Variants in SLC35F1 observed in about 807,000 individuals in gnomAD.
SLC35F1 encodes chromosome 6 open reading frame 169.
Under a neutral mutation model 48.7 loss-of-function variants are expected in SLC35F1, and 14 were observed. That is an observed-to-expected ratio of 0.29 (90% CI 0.19 to 0.45). The LOEUF is 0.45. SLC35F1 is among the 20% of genes least tolerant of loss of function. The pLI, the probability that SLC35F1 is intolerant of heterozygous loss-of-function variation, is 1.00. For missense variants in SLC35F1, 404 were observed against 500.0 expected (o/e 0.81, Z 1.83); for synonymous variants, 190 against 202.2 (o/e 0.94, Z 0.51).
chr6:117,941,482 G>A (rs142897612), intron 1 of SLC35F1, among the ~76,000 whole-genome samples: 1 of 152,300 alleles, frequency 6.6e-6, no homozygotes, highest in African/African-American at 2.4e-5. Context: ...AGTAACAATA[G>A]CAAAACCAAT....
At chr6:118,293,392 G>T (rs1199480919) in intron 7 of SLC35F1, among the ~76,000 whole-genome samples, 1 of 152,018 alleles carries the variant, frequency 6.6e-6, no homozygotes, top group Admixed American at 6.6e-5. Flanking sequence ...CATCTTCAAA[G>T]CCAGCAGAAT....
intron 2 of SLC35F1, among the ~76,000 whole-genome samples, chr6:118,184,173 G>T (rs1774623321): frequency 6.6e-6 from 1 of 152,154 alleles, no homozygotes; most frequent in South Asian, 2.1e-4. Context: ...TACTATGAGA[G>T]TGTCTCCCCA....
At chr6:117,997,140 C>A (rs1267004490) in intron 1 of SLC35F1, among the ~76,000 whole-genome samples, 1 of 151,504 alleles carries the variant, frequency 6.6e-6, no homozygotes, top group Admixed American at 6.6e-5. Flanking sequence ...GAAGCCTCAG[C>A]AGCTGATGCG....
chr6:118,072,180 A>C (rs1562281495), intron 1 of SLC35F1, among the ~76,000 whole-genome samples: 1 of 152,162 alleles, frequency 6.6e-6, no homozygotes, highest in African/African-American at 2.4e-5. Context: ...TTTGGAATAC[A>C]CAGATGGTTA....
intron 2 of SLC35F1, among the ~76,000 whole-genome samples, chr6:118,188,012 T>G (rs2114519070): frequency 6.6e-6 from 1 of 152,324 alleles, no homozygotes; most frequent in East Asian, 1.9e-4. Flanking sequence ...TGTGATTGCT[T>G]CATTATGTGT....
chr6:118,075,454 C>G (rs897864000), intron 1 of SLC35F1, among the ~76,000 whole-genome samples: 1 of 152,074 alleles, frequency 6.6e-6, no homozygotes, highest in Non-Finnish European at 1.5e-5. Flanking sequence ...TTGTTTTCTT[C>G]CAGAAACATT....
chr6:118,204,187 C>G (rs1458852076), intron 2 of SLC35F1, among the ~76,000 whole-genome samples: 5 of 151,174 alleles, frequency 3.3e-5, no homozygotes, highest in African/African-American at 4.9e-5. Context: ...CCCAGCCCAG[C>G]CAAGGGAATA....
chr6:118,300,422 T>C (rs1249002859), intron 7 of SLC35F1, among the ~76,000 whole-genome samples: 3 of 152,242 alleles, frequency 2.0e-5, no homozygotes, highest in Non-Finnish European at 4.4e-5. Flanking sequence ...TATTTCATGT[T>C]CTTCACACTT....
At chr6:118,064,842 T>C (rs1345055524) in intron 1 of SLC35F1, among the ~76,000 whole-genome samples, 7 of 152,268 alleles carry the variant, frequency 4.6e-5, no homozygotes, top group Non-Finnish European at 1.0e-4. Flanking sequence ...TTTGTGTTTA[T>C]TTTAATCTTC....
At chr6:118,250,582 C>T (rs1775560326) in intron 3 of SLC35F1, among the ~76,000 whole-genome samples, 1 of 152,168 alleles carries the variant, frequency 6.6e-6, no homozygotes, top group African/African-American at 2.4e-5. Flanking sequence ...TTTAGGGAGC[C>T]AGAGAGGGCT....
intron 1 of SLC35F1, among the ~76,000 whole-genome samples, chr6:118,074,944 G>A (rs1009661320): frequency 6.6e-6 from 1 of 152,182 alleles, no homozygotes. Context: ...GCTCCCAGTC[G>A]AGACACATAG....
intron 1 of SLC35F1, among the ~76,000 whole-genome samples, chr6:118,073,857 T>C (rs1331162719): frequency 1.3e-5 from 2 of 152,198 alleles, no homozygotes; most frequent in Admixed American, 6.5e-5. Context: ...GTTAAATTGG[T>C]CCACACATTT....
chr6:118,067,395 G>A (rs1452990278), intron 1 of SLC35F1, among the ~76,000 whole-genome samples: 1 of 152,186 alleles, frequency 6.6e-6, no homozygotes, highest in Non-Finnish European at 1.5e-5. Context: ...AACATGACTT[G>A]AGAGTAGGTG....
chr6:118,233,212 G>T (rs1056247722), intron 2 of SLC35F1, among the ~76,000 whole-genome samples: 1 of 152,166 alleles, frequency 6.6e-6, no homozygotes, highest in African/African-American at 2.4e-5. Context: ...TGATCTGCCC[G>T]CCTCAGCCTC....
At chr6:117,995,095 G>A (rs1439705666) in intron 1 of SLC35F1, among the ~76,000 whole-genome samples, 1 of 152,048 alleles carries the variant, frequency 6.6e-6, no homozygotes, top group Non-Finnish European at 1.5e-5. Flanking sequence ...TCCAGCTTGA[G>A]TTTTCTCTTA....
At chr6:118,210,450 CA>C (rs1774988092) in intron 2 of SLC35F1, among the ~76,000 whole-genome samples, 1 of 151,920 alleles carries the variant, frequency 6.6e-6, no homozygotes, top group Non-Finnish European at 1.5e-5. Context: ...AACAAAACAG[CA>C]AAAAAGAAAC....
At chr6:118,227,418 C>T (rs116219981) in intron 2 of SLC35F1, among the ~76,000 whole-genome samples, 4,701 of 152,132 alleles carry the variant, frequency 0.031, 247 homozygotes, top group African/African-American at 0.11. Flanking sequence ...AGGAGGCTGA[C>T]GGTATTTATG....
intron 3 of SLC35F1, among the ~76,000 whole-genome samples, chr6:118,238,094 C>G (rs1312695552): frequency 6.6e-6 from 1 of 152,056 alleles, no homozygotes; most frequent in Non-Finnish European, 1.5e-5. Flanking sequence ...CCATAAACAC[C>G]TATGTTTCTC....
chr6:117,914,546 A>C (rs1339889951), intron 1 of SLC35F1, among the ~76,000 whole-genome samples: 1 of 152,166 alleles, frequency 6.6e-6, no homozygotes. Flanking sequence ...TTATTCAATG[A>C]GTGTTTATTG....
Sources: gnomAD v4.1 joint callset for allele counts (sites outside exome capture counted in the v4.1 genomes callset) on GRCh38, gnomAD v4.1.1 for gene constraint, MANE v1.5 for transcripts, NCBI Gene and HGNC (gene_info 2026-07-23, HGNC 2026-07-21) for gene names.